The following MROH1 variants were observed in gnomAD, a reference collection of about 807,000 sequenced individuals.
MROH1 encodes maestro heat-like repeat-containing protein family member 1.
In MROH1, 117 loss-of-function variants were observed where a neutral mutation model predicts 116.5. The ratio of observed to expected loss-of-function variants is 1.00; its 90% CI spans 0.86 to 1.17. The LOEUF is 1.17. Among genes scored for constraint, MROH1 ranks in the 50% most tolerant of loss-of-function variants. The probability of loss-of-function intolerance (pLI) is 0.00; values close to 1 mark genes in which losing one functional copy is unlikely to be tolerated. For missense variants in MROH1, 1,873 were observed against 1,338.5 expected, an observed-to-expected ratio of 1.40 and a Z score of -6.23; for synonymous variants, 921 against 583.9, an observed-to-expected ratio of 1.58 and a Z score of -8.32.
At chr8:144,245,520 G>A (rs956969128) in intron 29 of MROH1, among the ~76,000 whole-genome samples, 9 of 152,242 alleles carry the variant, frequency 5.9e-5, no homozygotes, top group African/African-American at 2.2e-4. Context: ...GTTGAGCGCG[G>A]TGCTTGATTT....
At chr8:144,153,584 C>T (rs1321994933) in intron 1 of MROH1, among the ~76,000 whole-genome samples, 1 of 152,152 alleles carries the variant, frequency 6.6e-6, no homozygotes, top group African/African-American at 2.4e-5. Context: ...TAAATATATG[C>T]CACATTTTCT....
intron 12 of MROH1, among the ~76,000 whole-genome samples, chr8:144,216,934 C>T (rs967124781): frequency 2.0e-5 from 3 of 152,236 alleles, no homozygotes; most frequent in East Asian, 1.9e-4. Flanking sequence ...CTGATCCATC[C>T]GCCTTGGCCT....
At chr8:144,176,552 A>G (rs1473120625) in intron 4 of MROH1, among the ~76,000 whole-genome samples, 1 of 149,576 alleles carries the variant, frequency 6.7e-6, no homozygotes, top group Admixed American at 6.7e-5. Flanking sequence ...AAAAAAAAAA[A>G]GAAATTTGGC....
intron 12 of MROH1, among the ~76,000 whole-genome samples, chr8:144,203,995 A>G (rs1201141870): frequency 6.6e-6 from 1 of 152,216 alleles, no homozygotes; most frequent in Admixed American, 6.5e-5. Context: ...TTACGTATGT[A>G]CAAATGCATG....
At chr8:144,245,096 A>T in intron 28 of MROH1, 60 bp from the exon 29 acceptor site, 1 of 777,654 alleles carries the variant, frequency 1.3e-6, no homozygotes, top group South Asian at 1.3e-5. Flanking sequence ...ACGATGCACA[A>T]GGCTCCTGCC....
chr8:144,164,817 A>G (rs1042767126), intron 3 of MROH1, among the ~76,000 whole-genome samples: 11 of 152,222 alleles, frequency 7.2e-5, no homozygotes, highest in African/African-American at 2.7e-4. Context: ...TAATTAATGA[A>G]TAATAGAAAT....
chr8:144,222,972 A>G, intron 13 of MROH1, 136 bp from the exon 14 acceptor site: 1 of 1,250,506 alleles, frequency 8.0e-7, no homozygotes, highest in Non-Finnish European at 1.1e-6. Flanking sequence ...GTGCAGGTAC[A>G]GGTGTCAGTG....
intron 35 of MROH1, among the ~76,000 whole-genome samples, chr8:144,256,846 G>A (rs1843926459): frequency 6.6e-6 from 1 of 152,258 alleles, no homozygotes; most frequent in South Asian, 2.1e-4. Flanking sequence ...GAAGCTGGTT[G>A]TGAGTTGCTG....
rs927502487 is a variant in MROH1, at chr8:144,247,602, C to T, written c.3043C>T (p.Arg1015Trp). 21 of 772,330 alleles carry T rather than the reference C, an allele frequency of 2.7e-5. No individual in the cohort carries two copies. The highest frequency in any genetic ancestry group is 1.0e-4 in the Admixed American group (6 of 58,860). 47.8% of individuals were successfully genotyped at this position (772,330 alleles called of 1,614,324 possible). The change falls in exon 31 of 44, where the codon CGG becomes TGG. Residue 1015 changes from arginine to tryptophan, a missense_variant. Coordinates refer to ENST00000326134, the MANE Select transcript of MROH1 (RefSeq NM_032450.3). ...SRDYRDDVAE[R>W]LLSLKDGLVH... is the part of the protein sequence containing the mutation. Reference sequence around the variant, plus strand: ...GGACTACCGCGATGACGTGGCGGAGCGGCTCCTCAGCCTCAAGGACGGCCT... The same window carrying T: ...GGACTACCGCGATGACGTGGCGGAGTGGCTCCTCAGCCTCAAGGACGGCCT...
chr8:144,257,696 C>T lies in MROH1; in HGVS notation c.3792-1081C>T, dbSNP rs956617815. On this transcript the variant is annotated intron_variant, in intron 35 of 43. Transcript: ENST00000326134. ...CTTGTTCCCTGCTAGGCCCACTCCA[C>T]GTCGCAGCACACCAGGGGCCCTGTG... 4.6e-5 allele frequency among the ~76,000 whole-genome samples: 7 copies of T among 152,356 alleles called. No homozygotes were observed. In the South Asian group the frequency reaches 6.2e-4, roughly 14 times the overall value.
At chr8:144,221,633 T>C (rs1349156871) in intron 13 of MROH1, among the ~76,000 whole-genome samples, 1 of 151,996 alleles carries the variant, frequency 6.6e-6, no homozygotes, top group East Asian at 1.9e-4. Flanking sequence ...CGGTGCTCCT[T>C]ACGTGTTCCA....
chr8:144,210,158 G>A (rs1452894281), intron 12 of MROH1, among the ~76,000 whole-genome samples: 2 of 152,112 alleles, frequency 1.3e-5, no homozygotes, highest in Admixed American at 1.3e-4. Flanking sequence ...CCTACCTATG[G>A]CCGGGTGCGG....
intron 14 of MROH1, among the ~76,000 whole-genome samples, chr8:144,236,945 G>A (rs1226483045): frequency 1.2e-4 from 12 of 103,330 alleles, no homozygotes; most frequent in Non-Finnish European, 1.9e-4. Context: ...TCGCTCTGTC[G>A]CCCAGGCTGG....
rs1834676996 is a variant in MROH1, at chr8:144,213,731, G to A, written c.1142-6869G>A. Among the ~76,000 whole-genome samples the A allele has an allele frequency of 3.3e-5, 5 of 152,102 alleles. No individual in the cohort carries two copies. In the South Asian group the frequency reaches 1.0e-3, roughly 32 times the overall value. On this transcript the variant is annotated intron_variant, in intron 12 of 43. Coordinates refer to ENST00000326134, the MANE Select transcript of MROH1 (RefSeq NM_032450.3). ...TTGAGCCTGGGAAGCAGAGGTTGCA[G>A]TGAGCCAAGATCACACACTGCACTC...
rs1828400539 is a variant in MROH1 at position 144,190,854 on chromosome 8, C to T, written c.633C>T (p.Val211=). Residue 211 remains valine (V), a synonymous_variant, in exon 8 of 44, where the codon GTC becomes GTT. Transcript: ENST00000326134. ...TGGACCGAGCCCCAGACCCCACGGT[C>T]AGGAAGGACGCCTTTGCCACCGACA... ...ANLDRAPDPT[V]RKDAFATDIF... 6.2e-7 allele frequency: 1 copy of T among 1,613,792 alleles called. No homozygotes were observed. Among genetic ancestry groups the T allele is most frequent in the Admixed American group, 1.7e-5 (1 of 60,022 alleles).
At chr8:144,167,721 G>C (rs536837506) in intron 3 of MROH1, among the ~76,000 whole-genome samples, 95 of 152,176 alleles carry the variant, frequency 6.2e-4, no homozygotes, top group Non-Finnish European at 1.0e-3. Flanking sequence ...TTCAGCTGTG[G>C]TCCATGGGGA....
Position 144,191,704 on chromosome 8 carries a change from T to TC in MROH1, c.715-7dup, listed in dbSNP as rs1250293726. 6.2e-7 allele frequency: 1 copy of TC among 1,611,868 alleles called. No homozygotes were observed. Among genetic ancestry groups the TC allele is most frequent in the Non-Finnish European group, 8.5e-7 (1 of 1,179,514 alleles). ...AGCAGCGTAAGCTTCCCGCCCACTG[T>TC]CCCCTCTCAGCTCCGTCTTGCCGTG... On this transcript the variant is annotated splice_polypyrimidine_tract_variant and intron_variant, in intron 8 of 43. Coordinates refer to ENST00000326134, the MANE Select transcript of MROH1 (RefSeq NM_032450.3).
chr8:144,177,124 C>A (rs1824194020), intron 4 of MROH1, among the ~76,000 whole-genome samples: 1 of 152,200 alleles, frequency 6.6e-6, no homozygotes, highest in Non-Finnish European at 1.5e-5. Context: ...TTTTGAAGAA[C>A]AAAAATCACT....
At chr8:144,169,592 C>T (rs1318983663) in intron 4 of MROH1, among the ~76,000 whole-genome samples, 2 of 150,512 alleles carry the variant, frequency 1.3e-5, no homozygotes, top group Non-Finnish European at 3.0e-5. Context: ...GCTGGGACTA[C>T]AGGTGTGCAC....
Sources: gnomAD v4.1 joint callset for allele counts (sites outside exome capture counted in the v4.1 genomes callset) on GRCh38, gnomAD v4.1.1 for gene constraint, MANE v1.5 for transcripts, NCBI Gene and HGNC (gene_info 2026-07-23, HGNC 2026-07-21) for gene names.